IL7: variants seen among roughly 807,000 people sequenced by gnomAD.
The protein encoded by IL7 is interleukin 7.
IL7 carries 3 observed loss-of-function variants against 21.6 expected under a neutral mutation model. That is an observed-to-expected ratio of 0.14 (90% CI 0.06 to 0.36). IL7 has a LOEUF of 0.36. IL7 is among the 10% of genes least tolerant of loss of function. IL7 has a pLI of 1.00. For synonymous variants in IL7, 62 were observed against 68.1 expected (o/e 0.91, Z 0.44); for missense variants, 175 against 200.2 (o/e 0.87, Z 0.76).
intron 4 of IL7, chr8:78,679,399 C>G (rs1433730464): frequency 2.0e-5 from 3 of 152,244 alleles, no homozygotes; most frequent in East Asian, 3.9e-4. Context: ...GCACATCCTC[C>G]CATGTGCTTT....
At chr8:78,747,157 A>C in intron 2 of IL7, 1 of 444,846 alleles carries the variant, frequency 2.2e-6, no homozygotes, top group South Asian at 1.6e-5. Context: ...GCTATAAATA[A>C]AGTTGGTCCC....
intron 2 of IL7, among the ~76,000 whole-genome samples, chr8:78,771,417 T>C (rs1252200964): frequency 1.3e-5 from 2 of 152,096 alleles, no homozygotes; most frequent in Non-Finnish European, 2.9e-5. Context: ...GATTTTTTCA[T>C]AGATAATCCA....
At chr8:78,707,793 T>C (rs1810822392) in intron 3 of IL7, among the ~76,000 whole-genome samples, 1 of 152,114 alleles carries the variant, frequency 6.6e-6, no homozygotes, top group Non-Finnish European at 1.5e-5. Flanking sequence ...ATTGTGTTAC[T>C]GTATTAAATT....
At chr8:78,701,215 G>A (rs1175118950) in intron 3 of IL7, among the ~76,000 whole-genome samples, 1 of 152,112 alleles carries the variant, frequency 6.6e-6, no homozygotes, top group Non-Finnish European at 1.5e-5. Flanking sequence ...CACCTCCCCA[G>A]TTACCTGTAT....
chr8:78,795,569 A>G (rs1467469177), intron 2 of IL7, among the ~76,000 whole-genome samples: 2 of 152,054 alleles, frequency 1.3e-5, no homozygotes, highest in East Asian at 1.9e-4. Context: ...AAAATGTGTC[A>G]TGAGTCTGTT....
intron 2 of IL7, among the ~76,000 whole-genome samples, chr8:78,785,909 G>A (rs1217604093): frequency 6.6e-6 from 1 of 152,182 alleles, no homozygotes; most frequent in African/African-American, 2.4e-5. Flanking sequence ...ATGCGAAGGG[G>A]TATGTGGCAA....
chr8:78,802,201 G>T (rs1325959146), intron 1 of IL7, among the ~76,000 whole-genome samples: 1 of 152,138 alleles, frequency 6.6e-6, no homozygotes. Flanking sequence ...AGTTATGGGG[G>T]TCAAAGTTAA....
intron 3 of IL7, among the ~76,000 whole-genome samples, chr8:78,687,028 T>C (rs1810003473): frequency 6.6e-6 from 1 of 152,160 alleles, no homozygotes; most frequent in Non-Finnish European, 1.5e-5. Context: ...TTTCCTAAAA[T>C]GTATAATTCA....
intron 3 of IL7, among the ~76,000 whole-genome samples, chr8:78,701,870 G>A (rs1810616949): frequency 1.3e-5 from 2 of 152,144 alleles, no homozygotes; most frequent in Non-Finnish European, 1.5e-5. Context: ...GCTTGTTGAT[G>A]TGCTGCTGGA....
intron 3 of IL7, among the ~76,000 whole-genome samples, chr8:78,702,122 C>T (rs1417673758): frequency 6.6e-6 from 1 of 152,092 alleles, no homozygotes; most frequent in African/African-American, 2.4e-5. Flanking sequence ...AATTGGTAAG[C>T]TATTTATTAC....
intron 2 of IL7, among the ~76,000 whole-genome samples, chr8:78,762,853 T>C (rs991065781): frequency 6.6e-6 from 1 of 152,242 alleles, no homozygotes; most frequent in Non-Finnish European, 1.5e-5. Context: ...CTCATGTCCT[T>C]ACCTTATCTG....
At chr8:78,729,056 A>T (rs1341848009), downstream of IL7, among the ~76,000 whole-genome samples, 1 of 151,996 alleles carries the variant, frequency 6.6e-6, no homozygotes, top group African/African-American at 2.4e-5. Flanking sequence ...TTGCAAAATC[A>T]CTTTGATTCT....
intron 1 of IL7, among the ~76,000 whole-genome samples, chr8:78,804,185 T>C (rs1279354506): frequency 6.6e-6 from 1 of 152,102 alleles, no homozygotes. Context: ...ACAAATAAGA[T>C]ATATTAGGTC....
intron 4 of IL7, among the ~76,000 whole-genome samples, chr8:78,681,901 C>CTTTTTTTTTTTTTTTT (rs56181953): frequency 1.6e-5 from 2 of 126,470 alleles, no homozygotes; most frequent in Non-Finnish European, 1.7e-5. Flanking sequence ...CTTTTTCTTT[C>CTTTTTTTTTTTTTTTT]TTTTTTTTTT....
chr8:78,804,101 T>C (rs971437236), intron 1 of IL7, among the ~76,000 whole-genome samples: 5 of 152,126 alleles, frequency 3.3e-5, no homozygotes, highest in Non-Finnish European at 7.3e-5. Flanking sequence ...GCTCTTTCAT[T>C]GGTCATATAT....
intron 1 of IL7, 41 bp downstream of exon 1, chr8:78,804,872 T>C: frequency 6.2e-7 from 1 of 1,611,648 alleles, no homozygotes; most frequent in Non-Finnish European, 8.5e-7. Context: ...CCCCGGCGCG[T>C]CGGGCGCGCG....
At chr8:78,754,333 G>C (rs1812276062) in intron 2 of IL7, among the ~76,000 whole-genome samples, 1 of 152,086 alleles carries the variant, frequency 6.6e-6, no homozygotes, top group South Asian at 2.1e-4. Context: ...CAACTTACAA[G>C]GGATGTGAAG....
intron 3 of IL7, among the ~76,000 whole-genome samples, chr8:78,701,036 C>T (rs554806772): frequency 3.3e-5 from 5 of 152,238 alleles, no homozygotes; most frequent in African/African-American, 7.2e-5. Context: ...AAGAATGTCA[C>T]TGATAGTTTA....
intron 2 of IL7, among the ~76,000 whole-genome samples, chr8:78,742,360 A>C (rs961404955): frequency 1.2e-4 from 18 of 152,048 alleles, no homozygotes; most frequent in African/African-American, 4.3e-4. Flanking sequence ...CAAATCATAT[A>C]TCACATATGT....
Sources: allele counts gnomAD v4.1 joint callset (sites outside exome capture counted in the v4.1 genomes callset), GRCh38; gene constraint gnomAD v4.1.1; transcripts MANE v1.5; gene names NCBI Gene and HGNC (gene_info 2026-07-23, HGNC 2026-07-21).